LAMTOR2: variants seen among roughly 807,000 people sequenced by gnomAD.
LAMTOR2 encodes the protein late endosomal/lysosomal adaptor, MAPK and MTOR activator 2, also known as ragulator complex protein LAMTOR2.
In LAMTOR2, 4 loss-of-function variants were observed where a neutral mutation model predicts 15.8. The ratio of observed to expected loss-of-function variants is 0.25; its 90% CI spans 0.12 to 0.58. LAMTOR2 has a LOEUF of 0.58. LAMTOR2 is among the 20% of genes least tolerant of loss of function. The pLI is 0.91. For missense variants in LAMTOR2, 100 were observed against 161.0 expected, an observed-to-expected ratio of 0.62 and a Z score of 2.05; for synonymous variants, 62 against 64.1, an observed-to-expected ratio of 0.97 and a Z score of 0.15.
chr1:156,057,474 T>A (rs1647414551), intron 2 of LAMTOR2, among the ~76,000 whole-genome samples: 1 of 149,168 alleles, frequency 6.7e-6, no homozygotes, highest in African/African-American at 2.5e-5. Context: ...CTTCATTTTT[T>A]CTTTTTTGGT....
chr1:156,057,177 CAAAA>C (rs1002332400), intron 2 of LAMTOR2, among the ~76,000 whole-genome samples: 4 of 84,918 alleles, frequency 4.7e-5, no homozygotes, highest in Admixed American at 1.4e-4. Flanking sequence ...GACTCCATCT[CAAAA>C]AAAAAAAAAA....
chr1:156,057,951 C>T (rs758736539), intron 2 of LAMTOR2, 27 bp from the exon 3 acceptor site: 21 of 1,607,344 alleles, frequency 1.3e-5, no homozygotes, highest in Non-Finnish European at 1.7e-5. Flanking sequence ...AGCAGAACAT[C>T]ACATCCCATC....
chr1:156,058,106 C>G (rs773405781), intron 3 of LAMTOR2, 39 bp downstream of exon 3: 1 of 1,591,750 alleles, frequency 6.3e-7, no homozygotes, highest in Non-Finnish European at 8.6e-7. Flanking sequence ...CTGGGCCCAG[C>G]CTTCGTGCTT....
At chr1:156,057,159 C>T (rs1479523240) in intron 2 of LAMTOR2, among the ~76,000 whole-genome samples, 2 of 123,480 alleles carry the variant, frequency 1.6e-5, no homozygotes, top group Admixed American at 2.0e-4. Context: ...GCCTGGGCAA[C>T]AGAGCAAGAC....
At position 156,057,962 on chromosome 1, in the gene LAMTOR2, A is replaced by T. The variant is rs1444186587; in HGVS notation, c.232-16A>T. The T allele has an allele frequency of 1.2e-6, 2 of 1,612,970 alleles. No homozygotes were observed. The highest frequency in any genetic ancestry group is 2.2e-5 in the East Asian group (1 of 44,868). On this transcript the variant is annotated splice_polypyrimidine_tract_variant and intron_variant, in intron 2 of 3. Coordinates refer to ENST00000368305, the MANE Select transcript of LAMTOR2 (RefSeq NM_014017.4). ...GCCAAGCAGAACATCACATCCCATCATATCACCCCCACCAGGAGGGCCGTG... is the reference window on the plus strand; with the variant it reads ...GCCAAGCAGAACATCACATCCCATCTTATCACCCCCACCAGGAGGGCCGTG...
Position 156,055,052 on chromosome 1 carries a change from G to A in LAMTOR2, c.68+95G>A. On this transcript the variant is annotated intron_variant, in intron 1 of 3. Transcript: ENST00000368305. This position sits in a 1 kb window ranked among gnomAD's most constrained non-coding sequence, Gnocchi z 4.8. Reference sequence around the variant, plus strand: ...GTGGGGAAGGATCACCAGGAAGGGAGGAAGCGGCAGAGGGGGCAGCGGCTG... The same window carrying A: ...GTGGGGAAGGATCACCAGGAAGGGAAGAAGCGGCAGAGGGGGCAGCGGCTG... 2 of 1,454,692 alleles carry A rather than the reference G, an allele frequency of 1.4e-6. No individual in the cohort carries two copies. Among genetic ancestry groups the A allele is most frequent in the East Asian group, 2.3e-5 (1 of 42,712 alleles). 90.1% of individuals were successfully genotyped at this position (1,454,692 alleles called of 1,614,324 possible).
rs1572286686 is a variant in LAMTOR2, at chr1:156,055,061, A to G, written c.68+104A>G. ...GATCACCAGGAAGGGAGGAAGCGGC[A>G]GAGGGGGCAGCGGCTGGGGATACCG... On this transcript the variant is annotated intron_variant, in intron 1 of 3. Transcript: ENST00000368305. The surrounding 1 kb of genome is among the most constrained non-coding windows in gnomAD (Gnocchi z 4.8). 7.1e-7 allele frequency: 1 copy of G among 1,417,530 alleles called. No individual in the cohort carries two copies. Among genetic ancestry groups the G allele is most frequent in the East Asian group, 2.3e-5 (1 of 42,632 alleles). The allele number at this position is 1,417,530 out of a possible 1,614,324, so 87.8% of individuals were successfully genotyped here. A position where few individuals can be genotyped will look rare whatever the true frequency, so the allele number is the denominator to read the frequency against.
intron 3 of LAMTOR2, 96 bp from the exon 4 acceptor site, chr1:156,058,219 G>T: frequency 6.4e-7 from 1 of 1,559,068 alleles, no homozygotes; most frequent in South Asian, 1.1e-5. Flanking sequence ...TGGGGGTTGG[G>T]GGCTGGTTGC....
Position 156,055,403 on chromosome 1 carries a change from A to G in LAMTOR2, c.209A>G (p.Lys70Arg). The part of the protein sequence containing the change: ...GNQAFNEDNL[K>R]FILMDCMEGR... ...CAAGCGTTTAATGAAGACAATCTCA[A>G]ATTCATCCTCATGGACTGCATGGTA... The change falls in exon 2 of 4, where the codon AAA (lysine) becomes AGA (arginine). Residue 70 changes from lysine (K) to arginine (R), a missense_variant. Lys to Arg is a conservative substitution (Grantham distance 26). Coordinates refer to ENST00000368305, the MANE Select transcript of LAMTOR2 (RefSeq NM_014017.4). This position sits in a 1 kb window ranked among gnomAD's most constrained non-coding sequence, Gnocchi z 4.8. 6.2e-7 allele frequency: 1 copy of G among 1,614,168 alleles called. No individual in the cohort carries two copies. The highest frequency in any genetic ancestry group is 8.5e-7 in the Non-Finnish European group (1 of 1,180,020).
chr1:156,055,246 T>A lies in LAMTOR2; in HGVS notation c.69-17T>A. On this transcript the variant is annotated splice_polypyrimidine_tract_variant and intron_variant, in intron 1 of 3. Coordinates refer to ENST00000368305, the MANE Select transcript of LAMTOR2 (RefSeq NM_014017.4). The surrounding 1 kb of genome is among the most constrained non-coding windows in gnomAD (Gnocchi z 4.8). ...CCCGCTCTGAGCACATCGCTATCCC[T>A]CCCCGCCCCTCACCAGGCTGCTGAA... 1 of 1,613,218 alleles carries A rather than the reference T, an allele frequency of 6.2e-7. No homozygotes were observed. The highest frequency in any genetic ancestry group is 8.5e-7 in the Non-Finnish European group (1 of 1,179,926).
intron 3 of LAMTOR2, 112 bp from the exon 4 acceptor site, chr1:156,058,203 A>G: frequency 6.6e-7 from 1 of 1,516,504 alleles, no homozygotes; most frequent in Admixed American, 1.7e-5. Flanking sequence ...AGCTCCCAAG[A>G]GCAGGTGGGG....
In LAMTOR2 at chr1:156,055,660, A is replaced by G. The variant is rs1005097607; in HGVS notation, c.231+235A>G. 93 of 571,140 alleles carry G rather than the reference A, an allele frequency of 1.6e-4. No individual in the cohort carries two copies. The highest frequency in any genetic ancestry group is 4.7e-4 in the Middle Eastern group (1 of 2,132). The allele number at this position is 571,140 out of a possible 1,614,324, so 35.4% of individuals were successfully genotyped here. ...TTCTGGTCTCAGCCATCCACTTATC[A>G]GTTGTGGAACCTTGGGTAAGTCGCT... On this transcript the variant is annotated intron_variant, in intron 2 of 3. Transcript: ENST00000368305. The surrounding 1 kb of genome is among the most constrained non-coding windows in gnomAD (Gnocchi z 4.8).
chr1:156,055,432 A>G lies in LAMTOR2; in HGVS notation c.231+7A>G, dbSNP rs750943723. On this transcript the variant is annotated splice_region_variant and intron_variant, in intron 2 of 3. Coordinates refer to ENST00000368305, the MANE Select transcript of LAMTOR2 (RefSeq NM_014017.4). The surrounding 1 kb of genome is among the most constrained non-coding windows in gnomAD (Gnocchi z 4.8). ...CATCCTCATGGACTGCATGGTATGG[A>G]GAGGGGAGCCAGACTTCCCCTGTCC... The G allele has an allele frequency of 3.7e-6, 6 of 1,614,180 alleles. No individual in the cohort carries two copies. In the Admixed American group the frequency reaches 1.0e-4, roughly 27 times the overall value.
At chr1:156,058,162 A>G in intron 3 of LAMTOR2, 95 bp downstream of exon 3, 1 of 1,498,070 alleles carries the variant, frequency 6.7e-7, no homozygotes, top group Non-Finnish European at 9.3e-7. Context: ...TAGAGTTCTC[A>G]TGTCTACTCA....
At position 156,054,819 on chromosome 1, in the gene LAMTOR2, C is replaced by T; in HGVS notation, c.-71C>T. On this transcript the variant is annotated 5_prime_UTR_variant, in exon 1 of 4. Coordinates refer to ENST00000368305, the MANE Select transcript of LAMTOR2 (RefSeq NM_014017.4). ...AGCAGGCCAACGGGACTACGGGAAGCAGCGGGCAGCGGCCCGCGGGAGGCA... is the reference window on the plus strand; with the variant it reads ...AGCAGGCCAACGGGACTACGGGAAGTAGCGGGCAGCGGCCCGCGGGAGGCA... 1 of 1,497,384 alleles carries T rather than the reference C, an allele frequency of 6.7e-7. No individual in the cohort carries two copies. Among genetic ancestry groups the T allele is most frequent in the Non-Finnish European group, 9.2e-7 (1 of 1,083,108 alleles). The allele number at this position is 1,497,384 out of a possible 1,614,324, so 92.8% of individuals were successfully genotyped here.
chr1:156,057,926 G>A, intron 2 of LAMTOR2, 52 bp from the exon 3 acceptor site: 4 of 1,524,486 alleles, frequency 2.6e-6, no homozygotes, highest in Non-Finnish European at 3.6e-6. Flanking sequence ...GGGAAGGAGG[G>A]TGCTAAGGGT....
Position 156,055,021 on chromosome 1 carries a change from G to A in LAMTOR2, c.68+64G>A, listed in dbSNP as rs935372978. 9 of 1,539,258 alleles carry A rather than the reference G, an allele frequency of 5.8e-6. No homozygotes were observed. In the African/African-American group the frequency reaches 1.2e-4, roughly 21 times the overall value. On this transcript the variant is annotated intron_variant, in intron 1 of 3. Transcript: ENST00000368305. This position sits in a 1 kb window ranked among gnomAD's most constrained non-coding sequence, Gnocchi z 4.8. ...GTGGGGCGGCGCGCGGCTCCCTGAGGGAGGGGTGGGGAAGGATCACCAGGA... is the reference window on the plus strand; with the variant it reads ...GTGGGGCGGCGCGCGGCTCCCTGAGAGAGGGGTGGGGAAGGATCACCAGGA...
rs1014581549 is a variant in LAMTOR2, at chr1:156,054,802, A to G, written c.-88A>G. 4.4e-6 allele frequency: 6 copies of G among 1,361,772 alleles called. No homozygotes were observed. The highest frequency in any genetic ancestry group is 3.6e-5 in the South Asian group (3 of 82,818). 84.4% of individuals were successfully genotyped at this position (1,361,772 alleles called of 1,614,324 possible). On this transcript the variant is annotated 5_prime_UTR_variant, in exon 1 of 4. Transcript: ENST00000368305. ...CTCCCAGGGCGTCCCGGAGCAGGCC[A>G]ACGGGACTACGGGAAGCAGCGGGCA...
chr1:156,056,281 C>T (rs61813322), intron 2 of LAMTOR2, among the ~76,000 whole-genome samples: 1,921 of 152,202 alleles, frequency 0.013, 19 homozygotes, highest in Non-Finnish European at 0.02. Context: ...GGATTACAGG[C>T]GTGAGTCACT....
Sources: gnomAD v4.1 joint callset for allele counts (sites outside exome capture counted in the v4.1 genomes callset) on GRCh38, gnomAD v4.1.1 for gene constraint, Gnocchi (gnomAD v3.1) non-coding constraint, MANE v1.5 for transcripts, NCBI Gene and HGNC (gene_info 2026-07-23, HGNC 2026-07-21) for gene names.